GFI1B: variants seen among roughly 807,000 people sequenced by gnomAD.
GFI1B encodes zinc finger protein Gfi-1b.
Under a neutral mutation model 35.3 loss-of-function variants are expected in GFI1B, and 20 were observed. That is an observed-to-expected ratio of 0.57 (90% confidence interval 0.40 to 0.82). The LOEUF is 0.82. GFI1B is among the 40% of genes least tolerant of loss of function. The pLI is 0.00. For missense variants in GFI1B, 430 were observed against 446.3 expected (o/e 0.96, Z 0.33); for synonymous variants, 178 against 177.6 (o/e 1.00, Z -0.02).
At chr9:132,969,814 C>A (rs1273810240) in intron 1 of GFI1B, among the ~76,000 whole-genome samples, 2 of 152,160 alleles carry the variant, frequency 1.3e-5, no homozygotes, top group Non-Finnish European at 2.9e-5. Flanking sequence ...TCTCCATCAT[C>A]CTTGGTGAAA....
chr9:132,973,354 C>A (rs1036040620), intron 2 of GFI1B, among the ~76,000 whole-genome samples: 1 of 152,246 alleles, frequency 6.6e-6, no homozygotes, highest in Non-Finnish European at 1.5e-5. Context: ...GCCCGTGGCC[C>A]GGCCTCAGCA....
chr9:132,958,142 G>A (rs1223147637), intron 1 of GFI1B, among the ~76,000 whole-genome samples: 1 of 152,056 alleles, frequency 6.6e-6, no homozygotes, highest in Non-Finnish European at 1.5e-5. Flanking sequence ...ACATCTGCTG[G>A]GGTGTAGAGA....
intron 1 of GFI1B, among the ~76,000 whole-genome samples, chr9:132,979,640 A>G (rs1260996491): frequency 6.6e-6 from 1 of 152,160 alleles, no homozygotes; most frequent in Non-Finnish European, 1.5e-5. Flanking sequence ...AGGCTCCAGG[A>G]ACAATAGGAC....
At position 132,989,301 on chromosome 9, in the gene GFI1B, G is replaced by T. The variant is rs1849200939; in HGVS notation, c.648+103G>T. 5.9e-6 allele frequency: 7 copies of T among 1,194,210 alleles called. No individual in the cohort carries two copies. Among genetic ancestry groups the T allele is most frequent in the South Asian group, 3.7e-5 (3 of 80,628 alleles). 74.0% of individuals were successfully genotyped at this position (1,194,210 alleles called of 1,614,324 possible). A position where few individuals can be genotyped will look rare whatever the true frequency, so the allele number is the denominator to read the frequency against. On this transcript the variant is annotated intron_variant, in intron 5 of 6. Transcript: ENST00000372122. The surrounding 1 kb of genome is among the most constrained non-coding windows in gnomAD (Gnocchi z 6.2). ...TGGGTCCCTCCCCCTGCCCCTGGGG[G>T]TGACACAGATTGGGAGGGGTCCCCT...
At position 132,965,856 on chromosome 9, in the gene GFI1B, A is replaced by G. The variant is rs932117461; in HGVS notation, c.-700-6869A>G. Among the ~76,000 whole-genome samples, 112 of 152,388 alleles carry G rather than the reference A, an allele frequency of 7.3e-4. 3 individuals are homozygous for G. Among genetic ancestry groups the G allele is most frequent in the Non-Finnish European group, 1.5e-3 (100 of 68,036 alleles). On this transcript the variant is annotated intron_variant, in intron 1 of 10. Coordinates refer to the GFI1B transcript ENST00000339463. ...TTAAGCCACCCAACATGTAATTGCT[A>G]TAGTGTCCACAGGAGCCATAAAATA... is the stretch of plus-strand genomic sequence containing the variant.
In GFI1B at chr9:132,989,232, C is replaced by A; in HGVS notation, c.648+34C>A. 2 of 1,597,866 alleles carry A rather than the reference C, an allele frequency of 1.3e-6. No homozygotes were observed. The highest frequency in any genetic ancestry group is 1.7e-6 in the Non-Finnish European group (2 of 1,170,884). On this transcript the variant is annotated intron_variant, in intron 5 of 6. Coordinates refer to ENST00000372122, the MANE Select transcript of GFI1B (RefSeq NM_001377304.1). The surrounding 1 kb of genome is among the most constrained non-coding windows in gnomAD (Gnocchi z 6.2). ...CTGGCCCAGCGCAGGACTCCCAGCC[C>A]CACTCCTTCTCTGTGCTTCCCCAGG... is the stretch of plus-strand genomic sequence containing the variant.
chr9:132,992,324 A>G (rs1468891710), downstream of GFI1B, among the ~76,000 whole-genome samples: 1 of 152,194 alleles, frequency 6.6e-6, no homozygotes, highest in African/African-American at 2.4e-5. Flanking sequence ...TTGGCTGAAT[A>G]ATGGCCCCAA....
intron 1 of GFI1B, among the ~76,000 whole-genome samples, chr9:132,985,309 A>C (rs986557943): frequency 2.6e-5 from 4 of 151,736 alleles, no homozygotes; most frequent in Admixed American, 2.6e-4. Flanking sequence ...CAGCCCTGTC[A>C]CTCCCTGACT....
chr9:132,986,659 G>T lies in GFI1B; in HGVS notation c.-20G>T. The T allele has an allele frequency of 6.6e-7, 1 of 1,506,168 alleles. No homozygotes were observed. The highest frequency in any genetic ancestry group is 1.1e-5 in the South Asian group (1 of 87,130). The allele number at this position is 1,506,168 out of a possible 1,614,324, so 93.3% of individuals were successfully genotyped here. ...CCGCTCCCATCCCTCCCCCTTGCAGGTGTGGGGTGCACACTGAAAATGCCA... is the reference window on the plus strand; with the variant it reads ...CCGCTCCCATCCCTCCCCCTTGCAGTTGTGGGGTGCACACTGAAAATGCCA... On this transcript the variant is annotated splice_region_variant and 5_prime_UTR_variant, in exon 2 of 7. Transcript: ENST00000372122.
chr9:132,971,487 C>T (rs1848531247), intron 1 of GFI1B, among the ~76,000 whole-genome samples: 1 of 152,174 alleles, frequency 6.6e-6, no homozygotes, highest in East Asian at 1.9e-4. Flanking sequence ...CTTCAACTTC[C>T]AAGCTGGGGG....
In GFI1B at chr9:132,988,220, C is replaced by A. The variant is rs1849150675; in HGVS notation, c.262C>A (p.Pro88Thr). 1.2e-6 allele frequency: 2 copies of A among 1,613,910 alleles called. No homozygotes were observed. The highest frequency in any genetic ancestry group is 8.5e-7 in the Non-Finnish European group (1 of 1,179,798). The change falls in exon 4 of 7, where the codon CCC becomes ACC. Residue 88 changes from proline (P) to threonine (T), a missense_variant. By Grantham distance (38) the Pro-to-Thr change is conservative. Coordinates refer to ENST00000372122, the MANE Select transcript of GFI1B (RefSeq NM_001377304.1). ...APEGPIVLSR[P>T]QDGDSPLSDS... is the part of the protein sequence containing the mutation. ...AGAGGGCCCCATTGTGCTGTCCCGACCCCAGGATGGGGACTCTCCACTGTC... is the reference window on the plus strand; with the variant it reads ...AGAGGGCCCCATTGTGCTGTCCCGAACCCAGGATGGGGACTCTCCACTGTC...
intron 1 of GFI1B, among the ~76,000 whole-genome samples, chr9:132,966,789 C>G (rs1234883015): frequency 6.6e-6 from 1 of 152,198 alleles, no homozygotes; most frequent in Non-Finnish European, 1.5e-5. Flanking sequence ...TTAGATGCCT[C>G]CTGATGCAGT....
upstream of GFI1B, chr9:132,975,216 T>C (rs1327314286): frequency 6.6e-6 from 1 of 152,200 alleles, no homozygotes; most frequent in East Asian, 1.9e-4. Context: ...TAAAGGGAAA[T>C]TATTGAAGGT....
Position 132,988,345 on chromosome 9 carries a change from C to A in GFI1B, c.387C>A (p.Ala129=). 6.2e-7 allele frequency: 1 copy of A among 1,614,188 alleles called. No homozygotes were observed. The highest frequency in any genetic ancestry group is 8.5e-7 in the Non-Finnish European group (1 of 1,180,016). The part of the protein sequence containing the change: ...YRQAPSTMQS[A]FLEHSVSLYG... The stretch of plus-strand genomic sequence containing the variant: ...AGGCCCCCTCCACCATGCAGTCAGC[C>A]TTCCTGGAGCACTCCGTCAGCCTGT... Residue 129 remains alanine (A), a synonymous_variant, in exon 4 of 7, where the codon GCC becomes GCA. Coordinates refer to ENST00000372122, the MANE Select transcript of GFI1B (RefSeq NM_001377304.1).
intron 1 of GFI1B, among the ~76,000 whole-genome samples, chr9:132,961,875 G>A (rs1848370407): frequency 2.0e-5 from 3 of 152,008 alleles, no homozygotes; most frequent in African/African-American, 7.2e-5. Context: ...ACAGGTGAGA[G>A]CCACCGCACC....
intron 1 of GFI1B, among the ~76,000 whole-genome samples, chr9:132,946,151 C>G (rs1848091552): frequency 6.6e-6 from 1 of 152,138 alleles, no homozygotes. Context: ...TCTAGAGCCA[C>G]GAAGGCTTAG....
intron 1 of GFI1B, among the ~76,000 whole-genome samples, chr9:132,961,692 C>T (rs927802345): frequency 1.1e-4 from 16 of 151,448 alleles, no homozygotes; most frequent in South Asian, 2.1e-4. Flanking sequence ...CCCGGGTTCA[C>T]GCCATCCTCC....
rs757239632 is a variant in GFI1B at position 132,988,507 on chromosome 9, T to A, written c.510+39T>A. ...GGTGTGGTGGGCACCTGGGCCCTCC[T>A]CTCCGCACTCCCTCTCAACTCACTG... On this transcript the variant is annotated intron_variant, in intron 4 of 6. Transcript: ENST00000372122. 13 of 1,583,762 alleles carry A rather than the reference T, an allele frequency of 8.2e-6. No homozygotes were observed. In the South Asian group the frequency reaches 1.4e-4, roughly 18 times the overall value.
intron 1 of GFI1B, among the ~76,000 whole-genome samples, chr9:132,972,531 A>G (rs938830012): frequency 6.6e-6 from 1 of 152,200 alleles, no homozygotes; most frequent in Non-Finnish European, 1.5e-5. Flanking sequence ...TCGTGGCTGC[A>G]GTGAGCCATG....
Sources: gnomAD v4.1 joint callset for allele counts (sites outside exome capture counted in the v4.1 genomes callset) on GRCh38, gnomAD v4.1.1 for gene constraint, Gnocchi (gnomAD v3.1) non-coding constraint, MANE v1.5 for transcripts, NCBI Gene and HGNC (gene_info 2026-07-23, HGNC 2026-07-21) for gene names.